DTNB: variants seen among roughly 807,000 people sequenced by gnomAD.
DTNB encodes dystrobrevin beta.
In DTNB, 63 loss-of-function variants were observed where a neutral mutation model predicts 90.7. The ratio of observed to expected loss-of-function variants is 0.69; its 90% CI spans 0.57 to 0.86. The LOEUF (loss-of-function observed/expected upper bound fraction) is 0.86. Among genes scored for constraint, DTNB ranks in the 40% least tolerant of loss-of-function variants. The pLI is 0.00. For synonymous variants in DTNB, 277 were observed against 286.7 expected (o/e 0.97, Z 0.34); for missense variants, 744 against 807.1 (o/e 0.92, Z 0.95).
chr2:25,587,106 C>G (rs1008316429), intron 6 of DTNB, among the ~76,000 whole-genome samples: 6 of 152,072 alleles, frequency 3.9e-5, no homozygotes, highest in African/African-American at 9.7e-5. Flanking sequence ...AGAGCGGGAG[C>G]AATCAGGAAT....
intron 3 of DTNB, 29 bp from the exon 4 acceptor site, chr2:25,628,413 C>A: frequency 1.3e-6 from 2 of 1,593,112 alleles, no homozygotes; most frequent in Non-Finnish European, 1.7e-6. Context: ...AAACTGTCAA[C>A]AATTTTAAAG....
chr2:25,552,311 C>A (rs2056431977), intron 8 of DTNB, among the ~76,000 whole-genome samples: 1 of 152,224 alleles, frequency 6.6e-6, no homozygotes, highest in Admixed American at 6.5e-5. Flanking sequence ...GAAGGTGCCA[C>A]CTCATTGAAA....
At chr2:25,461,791 TGTA>T (rs1041479491) in intron 10 of DTNB, among the ~76,000 whole-genome samples, 6 of 152,098 alleles carry the variant, frequency 3.9e-5, no homozygotes, top group African/African-American at 1.4e-4. Flanking sequence ...AACTTGCAAA[TGTA>T]GTAAGTGTTT....
At chr2:25,495,696 G>T (rs1243347079) in intron 9 of DTNB, among the ~76,000 whole-genome samples, 1 of 152,032 alleles carries the variant, frequency 6.6e-6, no homozygotes, top group Non-Finnish European at 1.5e-5. Flanking sequence ...ACCTCACGGG[G>T]TTCTATGGTT....
chr2:25,412,882 T>G (rs1417428303), intron 16 of DTNB, among the ~76,000 whole-genome samples: 1 of 152,184 alleles, frequency 6.6e-6, no homozygotes, highest in Non-Finnish European at 1.5e-5. Context: ...GGCCCATAGC[T>G]CAAATGCACC....
chr2:25,461,428 A>T (rs1442370339), intron 10 of DTNB, among the ~76,000 whole-genome samples: 1 of 152,242 alleles, frequency 6.6e-6, no homozygotes, highest in Non-Finnish European at 1.5e-5. Flanking sequence ...TAAAATATAA[A>T]TATACATATA....
chr2:25,582,625 T>A lies in DTNB; in HGVS notation c.604-1799A>T, dbSNP rs376072905. ...AATTTAACTTCTAATATGGAACTAC[T>A]GGGGGGCGGGAGGAGCTGAGAACTA... On this transcript the variant is annotated intron_variant, in intron 6 of 20. Coordinates refer to ENST00000406818, the MANE Select transcript of DTNB (RefSeq NM_021907.5). 3.9e-5 allele frequency among the ~76,000 whole-genome samples: 6 copies of A among 152,128 alleles called. No homozygotes were observed. In the East Asian group the frequency reaches 9.7e-4, roughly 24 times the overall value.
At chr2:25,596,364 C>A (rs1347423067) in intron 5 of DTNB, 124 bp from the exon 6 acceptor site, 4 of 1,163,464 alleles carry the variant, frequency 3.4e-6, no homozygotes, top group Admixed American at 3.1e-5. Context: ...ATTATTGTGA[C>A]TTTTAGTTAA....
chr2:25,422,274 T>C (rs1383148031), intron 15 of DTNB, among the ~76,000 whole-genome samples: 1 of 152,072 alleles, frequency 6.6e-6, no homozygotes, highest in Non-Finnish European at 1.5e-5. Context: ...AGCAATGACA[T>C]AGCCACTGTA....
intron 9 of DTNB, among the ~76,000 whole-genome samples, chr2:25,486,677 TCAAA>T (rs1462558455): frequency 2.0e-5 from 3 of 150,364 alleles, no homozygotes; most frequent in Non-Finnish European, 4.4e-5. Context: ...GACTTCTGGC[TCAAA>T]CAAACATACA....
At chr2:25,448,084 T>G (rs1558566485) in intron 12 of DTNB, among the ~76,000 whole-genome samples, 1 of 152,244 alleles carries the variant, frequency 6.6e-6, no homozygotes, top group Non-Finnish European at 1.5e-5. Context: ...TAACACTTTC[T>G]CACAGAAGCT....
intron 12 of DTNB, among the ~76,000 whole-genome samples, chr2:25,440,011 G>T (rs1022923345): frequency 6.6e-6 from 1 of 152,170 alleles, no homozygotes; most frequent in African/African-American, 2.4e-5. Context: ...GGTAGTCAAA[G>T]CATTATGTTC....
intron 2 of DTNB, among the ~76,000 whole-genome samples, chr2:25,648,200 A>G (rs1431471012): frequency 1.3e-5 from 2 of 152,222 alleles, no homozygotes; most frequent in African/African-American, 2.4e-5. Context: ...TGGTGATTTT[A>G]TATCATGTAA....
At position 25,424,680 on chromosome 2, in the gene DTNB, T is replaced by A. The variant is rs2050925199; in HGVS notation, c.1554+2855A>T. 6.6e-6 allele frequency among the ~76,000 whole-genome samples: 1 copy of A among 152,024 alleles called. No individual in the cohort carries two copies. Among genetic ancestry groups the A allele is most frequent in the Non-Finnish European group, 1.5e-5 (1 of 67,984 alleles). On this transcript the variant is annotated intron_variant, in intron 15 of 20. Transcript: ENST00000406818. This position sits in a 1 kb window ranked among gnomAD's most constrained non-coding sequence, Gnocchi z 4.1. ...GGTGAGTGGATCCCCTATTTTTTTT[T>A]TTTTTGAGACTGAGTCTTACTCTCT...
intron 2 of DTNB, among the ~76,000 whole-genome samples, chr2:25,651,580 T>G (rs1365002224): frequency 6.6e-6 from 1 of 152,140 alleles, no homozygotes; most frequent in African/African-American, 2.4e-5. Context: ...ATGCCAAAAT[T>G]TCTTCTTTAT....
chr2:25,516,898 A>G (rs1156319415), intron 9 of DTNB, among the ~76,000 whole-genome samples: 1 of 152,214 alleles, frequency 6.6e-6, no homozygotes, highest in Admixed American at 6.5e-5. Context: ...TATCCAAAAA[A>G]AAAATAAAAA....
chr2:25,411,668 G>A (rs1471634335), intron 16 of DTNB, among the ~76,000 whole-genome samples: 1 of 152,206 alleles, frequency 6.6e-6, no homozygotes, highest in Non-Finnish European at 1.5e-5. Context: ...GAGGGCCGCA[G>A]TGGTGCCTGA....
At chr2:25,586,510 CAAAA>C (rs1299315782) in intron 6 of DTNB, among the ~76,000 whole-genome samples, 3 of 53,812 alleles carry the variant, frequency 5.6e-5, no homozygotes, top group Non-Finnish European at 7.8e-5. Flanking sequence ...ACTCTGTCTC[CAAAA>C]AAAAAAAAAA....
chr2:25,379,255 G>C, intron 20 of DTNB, 35 bp downstream of exon 20: 1 of 1,313,262 alleles, frequency 7.6e-7, no homozygotes, highest in Non-Finnish European at 9.8e-7. Flanking sequence ...AAGGAGGGAG[G>C]GGCCGTGGGG....
Sources: allele counts gnomAD v4.1 joint callset (sites outside exome capture counted in the v4.1 genomes callset), GRCh38; gene constraint gnomAD v4.1.1; non-coding constraint Gnocchi (gnomAD v3.1); transcripts MANE v1.5; gene names NCBI Gene and HGNC (gene_info 2026-07-23, HGNC 2026-07-21).